Variants in ATF7IP observed in about 807,000 individuals in gnomAD.
The protein encoded by ATF7IP is activating transcription factor 7 interacting protein.
ATF7IP carries 23 observed loss-of-function variants against 106.4 expected under a neutral mutation model. The observed-to-expected ratio is 0.22, with a 90% CI of 0.16 to 0.31. ATF7IP has a LOEUF of 0.31. Among genes scored for constraint, ATF7IP ranks in the 10% least tolerant of loss-of-function variants. The probability of loss-of-function intolerance (pLI) is 1.00; values close to 1 mark genes in which losing one functional copy is unlikely to be tolerated. For synonymous variants in ATF7IP, 542 were observed against 539.0 expected, an observed-to-expected ratio of 1.01 and a Z score of -0.08; for missense variants, 1,334 against 1,524.3, an observed-to-expected ratio of 0.88 and a Z score of 2.08.
chr12:14,443,014 G>A (rs570028577), intron 5 of ATF7IP, among the ~76,000 whole-genome samples: 5 of 152,112 alleles, frequency 3.3e-5, no homozygotes, highest in South Asian at 4.2e-4. Flanking sequence ...AATTAGCTGG[G>A]CTTGATGGCA....
intron 1 of ATF7IP, among the ~76,000 whole-genome samples, chr12:14,368,819 G>A (rs2136388691): frequency 6.6e-6 from 1 of 151,720 alleles, no homozygotes; most frequent in Non-Finnish European, 1.5e-5. Context: ...CTTATTTGTT[G>A]GTAACAGCTA....
intron 1 of ATF7IP, among the ~76,000 whole-genome samples, chr12:14,373,446 A>G (rs114215108): frequency 0.016 from 2,365 of 152,296 alleles, 24 homozygotes; most frequent in Non-Finnish European, 0.019. Context: ...AGAAAGAACA[A>G]TGGGAGTGCA....
chr12:14,435,794 A>G (rs868583924), intron 3 of ATF7IP, among the ~76,000 whole-genome samples: 2 of 152,236 alleles, frequency 1.3e-5, no homozygotes, highest in Non-Finnish European at 1.5e-5. Context: ...ACAGGAATGA[A>G]TATGAGATGA....
chr12:14,460,320 G>A (rs1943588972), intron 8 of ATF7IP, among the ~76,000 whole-genome samples, 175 bp from the exon 9 acceptor site: 1 of 151,968 alleles, frequency 6.6e-6, no homozygotes, highest in African/African-American at 2.4e-5. Flanking sequence ...ATGCTTCTAT[G>A]AATTTAATTC....
Position 14,412,403 on chromosome 12 carries a change from G to C in ATF7IP, c.-7-11506G>C, listed in dbSNP as rs181048898. On this transcript the variant is annotated intron_variant, in intron 1 of 14. Transcript: ENST00000261168. ...GACATCTTAAGGATTTGAGTCTTTT[G>C]ATTCATGAGTATGGAACGTCTTTTA... Among the ~76,000 whole-genome samples the C allele has an allele frequency of 3.9e-5, 6 of 152,184 alleles. No individual in the cohort carries two copies. The East Asian group carries it at 1.2e-3, about 29-fold the overall frequency.
rs1416524909 is a variant in ATF7IP at position 14,481,054 on chromosome 12, G to A, written c.3149G>A (p.Arg1050Lys). ...THRPVTQVTT[R>K]LPVPRAPANH... ...CGTCCAGTAACTCAGGTGACCACAA[G>A]ACTCCCTGTACCAAGAGCTCCTGCA... Residue 1050 changes from arginine to lysine, a missense_variant, in exon 13 of 15, where the codon AGA (arginine) becomes AAA (lysine). Around this residue, in one of 10 missense-constraint regions of ATF7IP, gnomAD observed 370 missense variants for 401.2 expected, o/e 0.92. Coordinates refer to ENST00000261168, the MANE Select transcript of ATF7IP (RefSeq NM_018179.5). The A allele has an allele frequency of 6.2e-7, 1 of 1,613,962 alleles. No homozygotes were observed. Among genetic ancestry groups the A allele is most frequent in the Admixed American group, 1.7e-5 (1 of 60,000 alleles).
At chr12:14,459,511 T>A (rs1943559763) in intron 8 of ATF7IP, among the ~76,000 whole-genome samples, 1 of 152,216 alleles carries the variant, frequency 6.6e-6, no homozygotes, top group Admixed American at 6.5e-5. Flanking sequence ...TATACTACCT[T>A]GATTTTTGTA....
chr12:14,422,633 T>TATAAATTGAATCATTCAGTA (rs1941596278), intron 1 of ATF7IP, among the ~76,000 whole-genome samples: 1 of 152,224 alleles, frequency 6.6e-6, no homozygotes, highest in African/African-American at 2.4e-5. Context: ...GGACATTTCA[T>TATAAATTGAATCATTCAGTA]ATAAATTGAA....
At chr12:14,385,610 GT>G (rs756247833) in intron 1 of ATF7IP, among the ~76,000 whole-genome samples, 2 of 152,086 alleles carry the variant, frequency 1.3e-5, no homozygotes, top group African/African-American at 4.8e-5. Flanking sequence ...ACCATTTTAT[GT>G]TCTGTCATTG....
chr12:14,446,196 G>A (rs1054712079), intron 5 of ATF7IP, among the ~76,000 whole-genome samples: 1 of 151,660 alleles, frequency 6.6e-6, no homozygotes, highest in Non-Finnish European at 1.5e-5. Flanking sequence ...TGCCCAGGCT[G>A]GAGTGCAGTG....
At chr12:14,443,095 C>T (rs1185841140) in intron 5 of ATF7IP, among the ~76,000 whole-genome samples, 2 of 152,132 alleles carry the variant, frequency 1.3e-5, no homozygotes, top group African/African-American at 4.8e-5. Flanking sequence ...GCGGAGGTTG[C>T]AGTTAGCCAA....
At chr12:14,495,790 G>A (rs984701613) in intron 13 of ATF7IP, among the ~76,000 whole-genome samples, 3 of 152,166 alleles carry the variant, frequency 2.0e-5, no homozygotes, top group African/African-American at 7.2e-5. Context: ...CTCCCAGTTT[G>A]TCTGTCTTTT....
chr12:14,462,815 A>T (rs975472547), intron 9 of ATF7IP, among the ~76,000 whole-genome samples: 3 of 151,954 alleles, frequency 2.0e-5, no homozygotes, highest in African/African-American at 4.8e-5. Flanking sequence ...TTATTTCTAA[A>T]CATAAAATTG....
intron 2 of ATF7IP, among the ~76,000 whole-genome samples, chr12:14,427,358 T>C (rs4424720): frequency 0.1 from 15,798 of 150,972 alleles, 1,032 homozygotes; most frequent in African/African-American, 0.19. Flanking sequence ...TTTTAATGAG[T>C]CTAATTCTTT....
chr12:14,457,412 G>A (rs891272937), intron 8 of ATF7IP, 117 bp downstream of exon 8: 8 of 745,492 alleles, frequency 1.1e-5, no homozygotes, highest in African/African-American at 3.6e-5. Context: ...ATTGGTCTAA[G>A]TACAAAAATT....
chr12:14,481,489 A>G lies in ATF7IP; in HGVS notation c.3280+304A>G, dbSNP rs191726582. 94 of 446,112 alleles carry G rather than the reference A, an allele frequency of 2.1e-4. No homozygotes were observed. In the East Asian group the frequency reaches 4.4e-3, roughly 21 times the overall value. The allele number at this position is 446,112 out of a possible 1,614,324, so 27.6% of individuals were successfully genotyped here. ...GATTTAGCCATTCTGCAGTGTATGCATATTTCAAACATGTTGTATACCATA... is the reference window on the plus strand; with the variant it reads ...GATTTAGCCATTCTGCAGTGTATGCGTATTTCAAACATGTTGTATACCATA... On this transcript the variant is annotated intron_variant, in intron 13 of 14. Transcript: ENST00000261168.
chr12:14,401,255 G>A (rs1464273125), intron 1 of ATF7IP, among the ~76,000 whole-genome samples: 4 of 148,420 alleles, frequency 2.7e-5, no homozygotes, highest in Admixed American at 6.8e-5. Flanking sequence ...GAATATAGTC[G>A]TGTGATCTCG....
chr12:14,426,994 CTG>C (rs1380474007), intron 2 of ATF7IP, among the ~76,000 whole-genome samples: 6 of 152,108 alleles, frequency 3.9e-5, no homozygotes, highest in Non-Finnish European at 8.8e-5. Flanking sequence ...AAATACAAGA[CTG>C]TGAGTACAGT....
intron 10 of ATF7IP, among the ~76,000 whole-genome samples, chr12:14,473,003 A>G (rs1199218510): frequency 6.6e-6 from 1 of 152,164 alleles, no homozygotes. Context: ...TTTAAAGTGA[A>G]TCCGCAAGAG....
Sources: gnomAD v4.1 joint callset for allele counts (sites outside exome capture counted in the v4.1 genomes callset) on GRCh38, gnomAD v4.1.1 for gene constraint, gnomAD v4.1.1 regional missense constraint, MANE v1.5 for transcripts, NCBI Gene and HGNC (gene_info 2026-07-23, HGNC 2026-07-21) for gene names.